The following PALS2 variants were observed in gnomAD, a reference collection of about 807,000 sequenced individuals.
PALS2 encodes the protein protein associated with LIN7 2, MAGUK p55 family member.
A neutral mutation model predicts 61.6 loss-of-function variants in PALS2; 27 were observed. That is an observed-to-expected ratio of 0.44 (90% confidence interval 0.32 to 0.60). The LOEUF is 0.60. Among genes scored for constraint, PALS2 ranks in the 20% least tolerant of loss-of-function variants. The pLI, the probability that PALS2 is intolerant of heterozygous loss-of-function variation, is 0.05. For missense variants in PALS2, 554 were observed against 639.4 expected (o/e 0.87, Z 1.44); for synonymous variants, 236 against 218.6 (o/e 1.08, Z -0.70).
chr7:24,595,681 A>G (rs1321351019), intron 1 of PALS2, among the ~76,000 whole-genome samples: 1 of 149,820 alleles, frequency 6.7e-6, no homozygotes, highest in African/African-American at 2.5e-5. Flanking sequence ...GAGGGGAAAC[A>G]TAAGCAAAAA....
At chr7:24,627,014 G>C (rs999899984) in intron 2 of PALS2, among the ~76,000 whole-genome samples, 3 of 152,264 alleles carry the variant, frequency 2.0e-5, no homozygotes, top group African/African-American at 7.2e-5. Flanking sequence ...TTTGGACCAA[G>C]TGGACCTAAT....
chr7:24,639,065 A>G (rs979019676), intron 2 of PALS2, among the ~76,000 whole-genome samples: 22 of 152,380 alleles, frequency 1.4e-4, no homozygotes, highest in Middle Eastern at 3.4e-3. Flanking sequence ...AACTGTGAGG[A>G]TAGATACGGT....
chr7:24,685,865 T>G (rs1400153268), intron 11 of PALS2, among the ~76,000 whole-genome samples: 1 of 152,150 alleles, frequency 6.6e-6, no homozygotes, highest in Non-Finnish European at 1.5e-5. Flanking sequence ...CAAATGACAT[T>G]GTTGAGTGCT....
chr7:24,607,543 G>A (rs1054469741), intron 1 of PALS2, among the ~76,000 whole-genome samples: 5 of 150,276 alleles, frequency 3.3e-5, no homozygotes, highest in East Asian at 2.0e-4. Context: ...ATATATACAC[G>A]TGTATATATG....
At chr7:24,608,986 T>G (rs180854761) in intron 1 of PALS2, among the ~76,000 whole-genome samples, 1 of 152,294 alleles carries the variant, frequency 6.6e-6, no homozygotes, top group East Asian at 1.9e-4. Context: ...CTTTGCTTCC[T>G]TTTAGTGACT....
intron 5 of PALS2, among the ~76,000 whole-genome samples, chr7:24,656,507 T>C (rs1192717515): frequency 1.3e-5 from 2 of 151,906 alleles, no homozygotes; most frequent in African/African-American, 4.8e-5. Context: ...CTCCCAGAAA[T>C]TTATTTGTGT....
At chr7:24,635,034 T>C (rs937364484) in intron 2 of PALS2, among the ~76,000 whole-genome samples, 2 of 152,244 alleles carry the variant, frequency 1.3e-5, no homozygotes, top group African/African-American at 4.8e-5. Flanking sequence ...TTTTTCAGGA[T>C]AGTTTTCACT....
Position 24,679,177 on chromosome 7 carries a change from T to C in PALS2, c.1161T>C (p.Tyr387=). 1 of 1,614,018 alleles carries C rather than the reference T, an allele frequency of 6.2e-7. No individual in the cohort carries two copies. Among genetic ancestry groups the C allele is most frequent in the Non-Finnish European group, 8.5e-7 (1 of 1,179,888 alleles). ...AAGATGAAAAAGATGGCCAGGCATA[T>C]AAGTTTGTGTCACGATCTGAGATGG... The part of the protein sequence containing the change: ...PREDEKDGQA[Y]KFVSRSEMEA... The change falls in exon 10 of 12, where the codon TAT becomes TAC. Residue 387 remains tyrosine (Y), a synonymous_variant. Coordinates refer to ENST00000222644, the MANE Select transcript of PALS2 (RefSeq NM_001303037.2).
In PALS2 at chr7:24,679,237, T is replaced by C; in HGVS notation, c.1221T>C (p.His407=). 5.0e-6 allele frequency: 8 copies of C among 1,613,964 alleles called. No individual in the cohort carries two copies. The highest frequency in any genetic ancestry group is 6.8e-6 in the Non-Finnish European group (8 of 1,179,864). The change falls in exon 10 of 12, where the codon CAT becomes CAC. Residue 407 remains histidine (H), a synonymous_variant. Transcript: ENST00000222644. ...ADIKAGKYLE[H]GEYEGNLYGT... ...TTAAAGCTGGAAAGTATTTGGAACA[T>C]GGGGAATATGAAGGAAATCTCTATG... is the stretch of plus-strand genomic sequence containing the variant.
At chr7:24,631,197 C>T (rs1416045112) in intron 2 of PALS2, among the ~76,000 whole-genome samples, 5 of 152,174 alleles carry the variant, frequency 3.3e-5, no homozygotes, top group African/African-American at 7.2e-5. Context: ...AGAATATCAA[C>T]ATTCACATGA....
chr7:24,620,915 T>C (rs1256688594), intron 1 of PALS2, among the ~76,000 whole-genome samples: 1 of 152,144 alleles, frequency 6.6e-6, no homozygotes, highest in East Asian at 1.9e-4. Context: ...TTTATTATAT[T>C]ATTCTGTTTT....
chr7:24,662,768 G>GAAAAAAAAAAAAAAAAA (rs59367702), intron 5 of PALS2, among the ~76,000 whole-genome samples: 25 of 102,636 alleles, frequency 2.4e-4, no homozygotes, highest in Non-Finnish European at 4.5e-4. Context: ...GACTCCATCT[G>GAAAAAAAAAAAAAAAAA]AAAAAAAAAA....
chr7:24,619,717 C>CAA (rs11366774), intron 1 of PALS2, among the ~76,000 whole-genome samples: 13 of 101,946 alleles, frequency 1.3e-4, no homozygotes, highest in Admixed American at 1.9e-4. Context: ...GACTCTGTCT[C>CAA]AAAAAAAAAA....
chr7:24,580,371 A>C (rs1009416248), intron 1 of PALS2, among the ~76,000 whole-genome samples: 3 of 152,158 alleles, frequency 2.0e-5, no homozygotes, highest in African/African-American at 7.2e-5. Flanking sequence ...TGAGTGTAAA[A>C]TAATACATCC....
chr7:24,658,494 C>A (rs1266244341), intron 5 of PALS2, among the ~76,000 whole-genome samples: 1 of 151,818 alleles, frequency 6.6e-6, no homozygotes, highest in South Asian at 2.1e-4. Flanking sequence ...TGCCAGGCAT[C>A]AAAAATTTTA....
At chr7:24,642,954 G>A (rs149394760) in intron 3 of PALS2, among the ~76,000 whole-genome samples, 14 of 152,272 alleles carry the variant, frequency 9.2e-5, no homozygotes, top group Non-Finnish European at 2.1e-4. Flanking sequence ...GGTCAGGTTT[G>A]TGAAATGAGA....
rs11407533 is a variant in PALS2 at position 24,583,662 on chromosome 7, ATT to A, written c.-3+10079_-3+10080del. Among the ~76,000 whole-genome samples, 56 of 143,674 alleles carry A rather than the reference ATT, an allele frequency of 3.9e-4. 1 individual carries two copies. The highest frequency in any genetic ancestry group is 3.6e-3 in the Middle Eastern group (1 of 278). The allele number at this position is 143,674 out of a possible 152,430, so 94.3% of individuals were successfully genotyped here. On this transcript the variant is annotated intron_variant, in intron 1 of 11. Coordinates refer to ENST00000222644, the MANE Select transcript of PALS2 (RefSeq NM_001303037.2). ...TTTTCCCATGCTAAATATTTATTTA[ATT>A]TTTTTTTTTATTATACTTTAAGTTT...
chr7:24,683,042 A>T (rs1788014617), intron 11 of PALS2, among the ~76,000 whole-genome samples: 1 of 152,204 alleles, frequency 6.6e-6, no homozygotes, highest in Non-Finnish European at 1.5e-5. Flanking sequence ...TTGTCATAAG[A>T]TTAATCAGTG....
chr7:24,578,369 T>G (rs1782716435), intron 1 of PALS2, among the ~76,000 whole-genome samples: 1 of 152,240 alleles, frequency 6.6e-6, no homozygotes, highest in African/African-American at 2.4e-5. Flanking sequence ...TTCTGAGGTT[T>G]CGGTGTTCAA....
Sources: allele counts gnomAD v4.1 joint callset (sites outside exome capture counted in the v4.1 genomes callset), GRCh38; gene constraint gnomAD v4.1.1; transcripts MANE v1.5; gene names NCBI Gene and HGNC (gene_info 2026-07-23, HGNC 2026-07-21).